GTF2IRD1: variants seen among roughly 807,000 people sequenced by gnomAD.
The protein encoded by GTF2IRD1 is GTF2I repeat domain containing 1.
Under a neutral mutation model 113.2 loss-of-function variants are expected in GTF2IRD1, and 26 were observed. That is an observed-to-expected ratio of 0.23 (90% CI 0.17 to 0.32). The LOEUF (loss-of-function observed/expected upper bound fraction) is 0.32. Ranked by LOEUF, GTF2IRD1 falls within the 10% of genes least tolerant of loss-of-function variation. GTF2IRD1 has a pLI of 1.00. For synonymous variants in GTF2IRD1, 484 were observed against 529.1 expected, an observed-to-expected ratio of 0.91 and a Z score of 1.17; for missense variants, 864 against 1,280.8, an observed-to-expected ratio of 0.67 and a Z score of 4.97.
At chr7:74,575,613 GA>G (rs1554364299) in intron 22 of GTF2IRD1, among the ~76,000 whole-genome samples, 1 of 152,240 alleles carries the variant, frequency 6.6e-6, no homozygotes, top group South Asian at 2.1e-4. Context: ...TGAGTTGGCT[GA>G]AGCCAACAGA....
rs59499031 is a variant in GTF2IRD1, at chr7:74,517,427, C to CTTTTTTTTTTTTTTTT, written c.422-704_422-689dup. Among the ~76,000 whole-genome samples, 5 of 77,424 alleles carry CTTTTTTTTTTTTTTTT rather than the reference C, an allele frequency of 6.5e-5. 2 individuals are homozygous for CTTTTTTTTTTTTTTTT. The highest frequency in any genetic ancestry group is 3.3e-4 in the Admixed American group (2 of 6,098). The allele number at this position is 77,424 out of a possible 152,430, so 50.8% of individuals were successfully genotyped here. A position where few individuals can be genotyped will look rare whatever the true frequency, so the allele number is the denominator to read the frequency against. On this transcript the variant is annotated intron_variant, in intron 4 of 26. Coordinates refer to ENST00000424337, the MANE Select transcript of GTF2IRD1 (RefSeq NM_005685.4). ...GGTCTCTCTCCCTTCCTCCCTACAC[C>CTTTTTTTTTTTTTTTT]TTTTTTTTTTTTTTTTTTTTTTTGA...
intron 7 of GTF2IRD1, 39 bp from the exon 8 acceptor site, chr7:74,524,032 G>A (rs782432331): frequency 2.3e-5 from 33 of 1,449,936 alleles, no homozygotes; most frequent in South Asian, 7.0e-5. Flanking sequence ...TGACCGTCCC[G>A]TGGGGCCCTG....
In GTF2IRD1 at chr7:74,519,663, G is replaced by C. The variant is rs1056806017; in HGVS notation, c.860G>C (p.Ser287Thr). The stretch of plus-strand genomic sequence containing the variant: ...CTTGCCCCCAGCGACCTGGGCCTGA[G>C]TCGGCCCATGCCAGAGCCCAAGGCC... ...CPLAPSDLGL[S>T]RPMPEPKATG... The change falls in exon 6 of 27, where the codon AGT becomes ACT. Residue 287 changes from serine to threonine, a missense_variant. This residue lies in a region of GTF2IRD1 where 195 missense variants were observed against 196.6 expected (regional missense o/e 0.99). Coordinates refer to ENST00000424337, the MANE Select transcript of GTF2IRD1 (RefSeq NM_005685.4). 5.6e-6 allele frequency: 9 copies of C among 1,607,460 alleles called. No homozygotes were observed. The highest frequency in any genetic ancestry group is 7.6e-6 in the Non-Finnish European group (9 of 1,177,184).
chr7:74,582,741 C>T (rs587649026), intron 22 of GTF2IRD1, among the ~76,000 whole-genome samples: 87 of 152,278 alleles, frequency 5.7e-4, no homozygotes, highest in Middle Eastern at 6.8e-3. Flanking sequence ...CCCTGGGGAT[C>T]CCCCTTTTCC....
At chr7:74,490,854 C>G (rs2117221266) in intron 1 of GTF2IRD1, among the ~76,000 whole-genome samples, 1 of 152,256 alleles carries the variant, frequency 6.6e-6, no homozygotes, top group Non-Finnish European at 1.5e-5. Flanking sequence ...CCAGCAAACC[C>G]AGGCCTGAGC....
At chr7:74,499,236 G>A (rs958980547) in intron 1 of GTF2IRD1, among the ~76,000 whole-genome samples, 1 of 152,218 alleles carries the variant, frequency 6.6e-6, no homozygotes, top group Admixed American at 6.5e-5. Context: ...GCTCTTGCAG[G>A]GTGGCCCCTC....
chr7:74,493,010 T>C (rs1343600696), intron 1 of GTF2IRD1, among the ~76,000 whole-genome samples: 1 of 152,064 alleles, frequency 6.6e-6, no homozygotes, highest in African/African-American at 2.4e-5. Flanking sequence ...TAGCCTCAAG[T>C]GGTCCTCCTG....
At chr7:74,485,819 G>A (rs1221070144) in intron 1 of GTF2IRD1, among the ~76,000 whole-genome samples, 4 of 151,946 alleles carry the variant, frequency 2.6e-5, no homozygotes, top group East Asian at 1.9e-4. Context: ...CCAGGTACTC[G>A]TGAGCCTGAG....
intron 1 of GTF2IRD1, among the ~76,000 whole-genome samples, chr7:74,484,966 AT>A (rs2117154299): frequency 6.6e-6 from 1 of 152,246 alleles, no homozygotes; most frequent in South Asian, 2.1e-4. Flanking sequence ...TCTGGAGTGG[AT>A]CTGAGAAATC....
chr7:74,576,769 T>G (rs1801097630), intron 22 of GTF2IRD1, among the ~76,000 whole-genome samples: 1 of 147,176 alleles, frequency 6.8e-6, no homozygotes. Context: ...TACAGGCATA[T>G]GCCAACATGC....
At chr7:74,517,001 TTTGTTGTTGTTG>T (rs374786237) in intron 4 of GTF2IRD1, among the ~76,000 whole-genome samples, 5 of 90,240 alleles carry the variant, frequency 5.5e-5, no homozygotes, top group Non-Finnish European at 8.7e-5. Flanking sequence ...CTCTCCTGTC[TTTGTTGTTGTTG>T]TTGTTGTTGT....
chr7:74,536,418 A>C, intron 11 of GTF2IRD1, 143 bp downstream of exon 11: 2 of 583,992 alleles, frequency 3.4e-6, no homozygotes, highest in Non-Finnish European at 3.1e-6. Context: ...GGGAAAACAG[A>C]CTCCACCTAC....
intron 1 of GTF2IRD1, among the ~76,000 whole-genome samples, chr7:74,473,862 G>A (rs943350591): frequency 3.9e-5 from 6 of 152,088 alleles, no homozygotes; most frequent in African/African-American, 7.2e-5. Flanking sequence ...CGAGCTGGGC[G>A]GATCACCTGA....
chr7:74,576,353 G>A (rs1266492310), intron 22 of GTF2IRD1, among the ~76,000 whole-genome samples: 1 of 151,710 alleles, frequency 6.6e-6, no homozygotes, highest in Non-Finnish European at 1.5e-5. Flanking sequence ...TTGAGATCAG[G>A]AGTTCGAGAC....
At chr7:74,550,121 G>A (rs143516835) in intron 17 of GTF2IRD1, among the ~76,000 whole-genome samples, 6,280 of 151,620 alleles carry the variant, frequency 0.041, 190 homozygotes, top group East Asian at 0.081. Context: ...ACTTGAACCC[G>A]AGAGGCAGAG....
chr7:74,584,387 G>A (rs181331112), intron 22 of GTF2IRD1, among the ~76,000 whole-genome samples: 1 of 152,296 alleles, frequency 6.6e-6, no homozygotes, highest in African/African-American at 2.4e-5. Flanking sequence ...GGAGGTTGCA[G>A]TGAGCCAAAA....
intron 1 of GTF2IRD1, among the ~76,000 whole-genome samples, chr7:74,455,601 A>G (rs915862879): frequency 6.6e-6 from 1 of 152,150 alleles, no homozygotes; most frequent in East Asian, 1.9e-4. Context: ...GGTATAAGGT[A>G]GTTAGGTGGC....
At chr7:74,602,024 T>G (rs940390208) in intron 26 of GTF2IRD1, 25 of 180,250 alleles carry the variant, frequency 1.4e-4, no homozygotes, top group Admixed American at 2.3e-4. Context: ...GCGGATCACT[T>G]GAGGCTCAGG....
At chr7:74,491,108 C>T (rs1201723580) in intron 1 of GTF2IRD1, among the ~76,000 whole-genome samples, 3 of 151,944 alleles carry the variant, frequency 2.0e-5, no homozygotes, top group Non-Finnish European at 2.9e-5. Flanking sequence ...GAGTTCAAGA[C>T]CATTCTGGCC....
Sources: gnomAD v4.1 joint callset for allele counts (sites outside exome capture counted in the v4.1 genomes callset) on GRCh38, gnomAD v4.1.1 for gene constraint, gnomAD v4.1.1 regional missense constraint, MANE v1.5 for transcripts, NCBI Gene and HGNC (gene_info 2026-07-23, HGNC 2026-07-21) for gene names.